RUNX1: variants seen among roughly 807,000 people sequenced by gnomAD.
RUNX1 encodes the protein RUNX family transcription factor 1.
Under a neutral mutation model 42.8 loss-of-function variants are expected in RUNX1, and 19 were observed. The observed-to-expected ratio is 0.44, with a 90% CI of 0.31 to 0.65. RUNX1 has a LOEUF of 0.65. RUNX1 is among the 30% of genes least tolerant of loss of function. The pLI is 0.07. For missense variants in RUNX1, 528 were observed against 672.0 expected, an observed-to-expected ratio of 0.79 and a Z score of 2.37; for synonymous variants, 271 against 289.4, an observed-to-expected ratio of 0.94 and a Z score of 0.64.
chr21:34,824,368 C>CATA (rs1462974846), intron 7 of RUNX1, among the ~76,000 whole-genome samples: 1 of 152,118 alleles, frequency 6.6e-6, no homozygotes, highest in Non-Finnish European at 1.5e-5. Flanking sequence ...GAGTTCTATA[C>CATA]TATTTTTCTA....
intron 3 of RUNX1, chr21:34,888,649 G>T: frequency 9.5e-7 from 1 of 1,050,906 alleles, no homozygotes; most frequent in African/African-American, 1.7e-5. Context: ...GGCTGGGTCC[G>T]GCCGCGGGGC....
intron 2 of RUNX1, among the ~76,000 whole-genome samples, chr21:34,967,677 G>A (rs1284236946): frequency 6.6e-6 from 1 of 152,220 alleles, no homozygotes; most frequent in Non-Finnish European, 1.5e-5. Flanking sequence ...GATTGTGACA[G>A]TGAGGGTGAC....
intron 2 of RUNX1, among the ~76,000 whole-genome samples, chr21:35,030,967 T>C (rs2059268518): frequency 6.6e-6 from 1 of 152,130 alleles, no homozygotes; most frequent in Admixed American, 6.5e-5. Context: ...CCAGTAAGTA[T>C]AAAAAATACT....
At chr21:34,925,584 A>T (rs2058386901) in intron 2 of RUNX1, among the ~76,000 whole-genome samples, 2 of 152,180 alleles carry the variant, frequency 1.3e-5, no homozygotes, top group South Asian at 4.1e-4. Context: ...GAGGTAAGGA[A>T]GGATTCTCCC....
chr21:34,856,507 T>C (rs2057496886), intron 6 of RUNX1: 2 of 507,958 alleles, frequency 3.9e-6, no homozygotes, highest in African/African-American at 1.9e-5. Context: ...GATGAACAGA[T>C]GAATGGACAG....
In RUNX1 at chr21:34,789,882, T is replaced by G. The variant is rs2056413863; in HGVS notation, c.*2253A>C. The G allele has an allele frequency of 8.6e-6, 2 of 233,224 alleles. No homozygotes were observed. Among genetic ancestry groups the G allele is most frequent in the Non-Finnish European group, 1.7e-5 (2 of 118,016 alleles). 14.4% of individuals were successfully genotyped at this position (233,224 alleles called of 1,614,324 possible). ...AATTAAACTGAAAAACATAATTTTTTCCTTCATTTTTCTCCAGCATTTTTG... is the reference window on the plus strand; with the variant it reads ...AATTAAACTGAAAAACATAATTTTTGCCTTCATTTTTCTCCAGCATTTTTG... On this transcript the variant is annotated 3_prime_UTR_variant, in exon 9 of 9. Coordinates refer to ENST00000675419, the MANE Select transcript of RUNX1 (RefSeq NM_001754.5).
At chr21:34,804,210 G>A (rs941818023) in intron 7 of RUNX1, among the ~76,000 whole-genome samples, 1 of 152,216 alleles carries the variant, frequency 6.6e-6, no homozygotes, top group Non-Finnish European at 1.5e-5. Context: ...AGACTAGTGT[G>A]CGAATAAGAC....
Position 34,843,795 on chromosome 21 carries a change from C to T in RUNX1, c.614-9194G>A, listed in dbSNP as rs967680578. ...GAGTTTTTCGCCCACTCACATGAGA[C>T]TCGGGCCTCTCCTAAAAGCAGAGCA... On this transcript the variant is annotated intron_variant, in intron 6 of 8. Coordinates refer to ENST00000675419, the MANE Select transcript of RUNX1 (RefSeq NM_001754.5). This position sits in a 1 kb window ranked among gnomAD's most constrained non-coding sequence, Gnocchi z 4.8. 6.6e-6 allele frequency among the ~76,000 whole-genome samples: 1 copy of T among 152,130 alleles called. No individual in the cohort carries two copies. Among genetic ancestry groups the T allele is most frequent in the African/African-American group, 2.4e-5 (1 of 41,422 alleles).
At chr21:34,933,146 G>GACATAAC (rs1392588726) in intron 2 of RUNX1, among the ~76,000 whole-genome samples, 1 of 152,152 alleles carries the variant, frequency 6.6e-6, no homozygotes, top group Non-Finnish European at 1.5e-5. Context: ...ATACACACAG[G>GACATAAC]ACATAACAGT....
chr21:34,940,558 G>T lies in RUNX1; in HGVS notation c.59-47595C>A, dbSNP rs142560211. ...ATATACATATACATTCTCTAACCCA[G>T]AGATGAATTAAAAAGGAGAATTTTC... On this transcript the variant is annotated intron_variant, in intron 2 of 8. Coordinates refer to ENST00000675419, the MANE Select transcript of RUNX1 (RefSeq NM_001754.5). Among the ~76,000 whole-genome samples, 1,047 of 152,282 alleles carry T rather than the reference G, an allele frequency of 6.9e-3. 11 individuals are homozygous for T. The highest frequency in any genetic ancestry group is 0.024 in the African/African-American group (1,000 of 41,554).
At chr21:34,885,983 G>C (rs2146400075) in intron 4 of RUNX1, among the ~76,000 whole-genome samples, 1 of 152,336 alleles carries the variant, frequency 6.6e-6, no homozygotes. Context: ...GAAGGTCAAG[G>C]TTTTTAAAGG....
chr21:34,852,810 G>A (rs1022209874), intron 6 of RUNX1, among the ~76,000 whole-genome samples: 1 of 152,166 alleles, frequency 6.6e-6, no homozygotes, highest in Admixed American at 6.5e-5. Context: ...TGAATTCAAG[G>A]GAAGAGGAAT....
chr21:34,888,848 C>T (rs1308969820), intron 3 of RUNX1, among the ~76,000 whole-genome samples: 1 of 151,676 alleles, frequency 6.6e-6, no homozygotes, highest in African/African-American at 2.4e-5. Context: ...CTGGAATTGG[C>T]CCGCGCGCCC....
chr21:34,999,970 G>A (rs115554426), intron 2 of RUNX1, among the ~76,000 whole-genome samples: 63 of 152,294 alleles, frequency 4.1e-4, no homozygotes, highest in African/African-American at 1.4e-3. Flanking sequence ...TGAACGAGAT[G>A]AGCTTTCACC....
At chr21:34,880,756 A>G (rs1569079295) in intron 4 of RUNX1, 43 bp from the exon 5 acceptor site, 4 of 1,599,962 alleles carry the variant, frequency 2.5e-6, no homozygotes, top group Non-Finnish European at 3.4e-6. Flanking sequence ...CAGGGATGTT[A>G]TACATACACT....
chr21:34,975,268 C>T (rs575590840), intron 2 of RUNX1, among the ~76,000 whole-genome samples: 2 of 152,212 alleles, frequency 1.3e-5, no homozygotes, highest in Non-Finnish European at 2.9e-5. Flanking sequence ...TATTTGGCTT[C>T]ATAAAGAAGC....
At chr21:34,816,392 G>C (rs770710033) in intron 7 of RUNX1, among the ~76,000 whole-genome samples, 5 of 151,746 alleles carry the variant, frequency 3.3e-5, no homozygotes, top group African/African-American at 1.2e-4. Context: ...TAGCGGGTGG[G>C]GGCACGCTCA....
intron 2 of RUNX1, among the ~76,000 whole-genome samples, chr21:34,916,289 T>C (rs1348101177): frequency 2.0e-5 from 3 of 152,228 alleles, no homozygotes; most frequent in African/African-American, 4.8e-5. Flanking sequence ...ATCATTAATA[T>C]ACTCTAAAGA....
Position 34,901,106 on chromosome 21 carries a change from C to T in RUNX1, c.59-8143G>A, listed in dbSNP as rs914397639. Among the ~76,000 whole-genome samples the T allele has an allele frequency of 2.6e-5, 4 of 152,222 alleles. No individual in the cohort carries two copies. Among genetic ancestry groups the T allele is most frequent in the Admixed American group, 2.0e-4 (3 of 15,300 alleles). Reference sequence around the variant, plus strand: ...CTCATCAGAAGAAATAACCAAGGAGCGGGAATGTGGGGAGAGGTTCACAAC... The same window carrying T: ...CTCATCAGAAGAAATAACCAAGGAGTGGGAATGTGGGGAGAGGTTCACAAC... On this transcript the variant is annotated intron_variant, in intron 2 of 8. Coordinates refer to ENST00000675419, the MANE Select transcript of RUNX1 (RefSeq NM_001754.5). This position sits in a 1 kb window ranked among gnomAD's most constrained non-coding sequence, Gnocchi z 4.3.
Sources: gnomAD v4.1 joint callset for allele counts (sites outside exome capture counted in the v4.1 genomes callset) on GRCh38, gnomAD v4.1.1 for gene constraint, Gnocchi (gnomAD v3.1) non-coding constraint, MANE v1.5 for transcripts, NCBI Gene and HGNC (gene_info 2026-07-23, HGNC 2026-07-21) for gene names.